The following SLC9C1 variants were observed in gnomAD, a reference collection of about 807,000 sequenced individuals.
The protein encoded by SLC9C1 is sodium/hydrogen exchanger 10.
SLC9C1 carries 97 observed loss-of-function variants against 140.9 expected under a neutral mutation model. That is an observed-to-expected ratio of 0.69 (90% confidence interval 0.58 to 0.82). The LOEUF is 0.82. Ranked by LOEUF, SLC9C1 falls within the 40% of genes least tolerant of loss-of-function variation. SLC9C1 has a pLI of 0.00. For missense variants in SLC9C1, 1,340 were observed against 1,389.3 expected, an observed-to-expected ratio of 0.96 and a Z score of 0.56; for synonymous variants, 440 against 442.6, an observed-to-expected ratio of 0.99 and a Z score of 0.07.
At chr3:112,250,950 A>G (rs1327729820) in intron 10 of SLC9C1, among the ~76,000 whole-genome samples, 1 of 152,186 alleles carries the variant, frequency 6.6e-6, no homozygotes, top group Non-Finnish European at 1.5e-5. Context: ...TATGTTCATC[A>G]CAGCACTATT....
intron 26 of SLC9C1, among the ~76,000 whole-genome samples, chr3:112,160,338 T>G (rs1400348907): frequency 6.6e-6 from 1 of 151,984 alleles, no homozygotes; most frequent in Non-Finnish European, 1.5e-5. Flanking sequence ...GTTACATATG[T>G]GTACATGTGC....
At position 112,293,828 on chromosome 3, in the gene SLC9C1, A is replaced by G. The variant is rs78289288; in HGVS notation, c.-88+265T>C. Among the ~76,000 whole-genome samples, 49 of 152,342 alleles carry G rather than the reference A, an allele frequency of 3.2e-4. No homozygotes were observed. The East Asian group carries it at 9.4e-3, about 29-fold the overall frequency. On this transcript the variant is annotated intron_variant, in intron 1 of 28. Coordinates refer to ENST00000305815, the MANE Select transcript of SLC9C1 (RefSeq NM_183061.3). ...GCAAAGGGAACACATGCCACTGGAT[A>G]GTTCACAAAGAGTTGATGTAAAAAG...
intron 26 of SLC9C1, among the ~76,000 whole-genome samples, chr3:112,156,536 AGCAGTGGGATT>A (rs1392169982): frequency 1.3e-5 from 2 of 152,256 alleles, no homozygotes; most frequent in Admixed American, 1.3e-4. Context: ...ATATATACCC[AGCAGTGGGATT>A]GCTAGATCAT....
At chr3:112,150,832 ATATATATATTTTTT>A (rs1560003602) in intron 28 of SLC9C1, among the ~76,000 whole-genome samples, 118 of 36,918 alleles carry the variant, frequency 3.2e-3, no homozygotes, top group African/African-American at 0.02. Flanking sequence ...ATATATATAT[ATATATATATTTTTT>A]TTTTTTTTTG....
intron 26 of SLC9C1, among the ~76,000 whole-genome samples, chr3:112,165,413 G>C (rs2077105637): frequency 6.6e-6 from 1 of 152,072 alleles, no homozygotes; most frequent in South Asian, 2.1e-4. Context: ...ATCTACCTTT[G>C]GTCTTTAATG....
chr3:112,244,721 A>G lies in SLC9C1; in HGVS notation c.1198-645T>C, dbSNP rs2079231852. Among the ~76,000 whole-genome samples the G allele has an allele frequency of 2.0e-5, 3 of 152,224 alleles. No homozygotes were observed. In the South Asian group the frequency reaches 6.2e-4, roughly 31 times the overall value. ...CTACACATTTTTGGGGATTTATGGA[A>G]TTCCAACTTCCAGAATTTATGTTTC... is the stretch of plus-strand genomic sequence containing the variant. On this transcript the variant is annotated intron_variant, in intron 10 of 28. Transcript: ENST00000305815.
intron 25 of SLC9C1, among the ~76,000 whole-genome samples, chr3:112,168,117 T>C (rs2077173949): frequency 6.6e-6 from 1 of 152,184 alleles, no homozygotes; most frequent in South Asian, 2.1e-4. Context: ...TCTTTACTTA[T>C]TTGTTTCTTT....
chr3:112,197,667 A>G (rs1159209400), intron 20 of SLC9C1, among the ~76,000 whole-genome samples: 2 of 152,158 alleles, frequency 1.3e-5, no homozygotes, highest in Non-Finnish European at 2.9e-5. Context: ...TGCCAGTGCA[A>G]TTGTTGTCTA....
chr3:112,262,324 T>C (rs4479562), intron 10 of SLC9C1, among the ~76,000 whole-genome samples: 89,701 of 151,568 alleles, frequency 0.59, 27,065 homozygotes, highest in East Asian at 0.79. Context: ...TTTAAGTAGA[T>C]ACATAATGAT....
intron 25 of SLC9C1, 41 bp downstream of exon 25, chr3:112,168,836 A>G: frequency 6.7e-7 from 1 of 1,488,072 alleles, no homozygotes; most frequent in South Asian, 1.3e-5. Flanking sequence ...TGTTGGACAT[A>G]TGGCATATTG....
At chr3:112,182,068 T>G in intron 21 of SLC9C1, 65 bp downstream of exon 21, 1 of 1,159,096 alleles carries the variant, frequency 8.6e-7, no homozygotes, top group African/African-American at 1.6e-5. Context: ...CATGGTTAAA[T>G]TCTTATTTTA....
In SLC9C1 at chr3:112,231,343, AAG is replaced by A; in HGVS notation, c.1572+16_1572+17del. ...AATTTTTGGCCAAACATAATTTCAA[AAG>A]AGAATAATACAGTACTATTTGTGCT... On this transcript the variant is annotated intron_variant, in intron 13 of 28. Coordinates refer to ENST00000305815, the MANE Select transcript of SLC9C1 (RefSeq NM_183061.3). 6.2e-7 allele frequency: 1 copy of A among 1,609,426 alleles called. No homozygotes were observed. The highest frequency in any genetic ancestry group is 8.5e-7 in the Non-Finnish European group (1 of 1,178,664).
rs565785960 is a variant in SLC9C1, at chr3:112,176,182, T to C, written c.2919+3349A>G. Reference sequence around the variant, plus strand: ...CCTCCTGACTGGAGGGTTGCAAAGATCCATGGGAGAAGCATGGGTTCCTGG... The same window carrying C: ...CCTCCTGACTGGAGGGTTGCAAAGACCCATGGGAGAAGCATGGGTTCCTGG... On this transcript the variant is annotated intron_variant, in intron 23 of 28. Coordinates refer to ENST00000305815, the MANE Select transcript of SLC9C1 (RefSeq NM_183061.3). 5.6e-4 allele frequency among the ~76,000 whole-genome samples: 86 copies of C among 152,244 alleles called. 1 individual carries two copies. The highest frequency in any genetic ancestry group is 1.9e-3 in the African/African-American group (78 of 41,554).
chr3:112,173,672 C>T (rs151165782), intron 23 of SLC9C1, among the ~76,000 whole-genome samples: 15,850 of 152,176 alleles, frequency 0.1, 879 homozygotes, highest in East Asian at 0.2. Context: ...TTTCTTTATC[C>T]AGTCTACTGT....
In SLC9C1 at chr3:112,167,354, G is replaced by A. The variant is rs763171216; in HGVS notation, c.3238-7C>T. 31 of 1,575,266 alleles carry A rather than the reference G, an allele frequency of 2.0e-5. No homozygotes were observed. Among genetic ancestry groups the A allele is most frequent in the Non-Finnish European group, 2.5e-5 (29 of 1,163,830 alleles). On this transcript the variant is annotated splice_region_variant and splice_polypyrimidine_tract_variant and intron_variant, in intron 25 of 28. Transcript: ENST00000305815. ...AATCTTCAATACTTTGTATCTGAAAGTTGACAGAATGCAAGTTAATTTCTG... is the reference window on the plus strand; with the variant it reads ...AATCTTCAATACTTTGTATCTGAAAATTGACAGAATGCAAGTTAATTTCTG...
chr3:112,203,985 AGTT>A (rs2108044422), intron 17 of SLC9C1, among the ~76,000 whole-genome samples: 1 of 152,102 alleles, frequency 6.6e-6, no homozygotes, highest in African/African-American at 2.4e-5. Flanking sequence ...TTAAAGGAAA[AGTT>A]GTGATGAGTA....
At position 112,277,712 on chromosome 3, in the gene SLC9C1, G is replaced by A. The variant is rs1423530120; in HGVS notation, c.467C>T (p.Ala156Val). ...ATACCTACCAAGGTCTCTTATAGCAGCTGCGGTTAGCATGGGATCTGAACT... is the reference window on the plus strand; with the variant it reads ...ATACCTACCAAGGTCTCTTATAGCAACTGCGGTTAGCATGGGATCTGAACT... ...LVSSDPMLTA[A>V]AIRDLGLSRS... Residue 156 changes from alanine (A) to valine (V), a missense_variant, in exon 5 of 29, where the codon GCT becomes GTT. By Grantham distance (64) the Ala-to-Val change is moderately conservative. Transcript: ENST00000305815. 4 of 1,593,942 alleles carry A rather than the reference G, an allele frequency of 2.5e-6. No individual in the cohort carries two copies.
chr3:112,271,383 A>G (rs2080068391), intron 6 of SLC9C1, among the ~76,000 whole-genome samples: 1 of 149,338 alleles, frequency 6.7e-6, no homozygotes, highest in Non-Finnish European at 1.5e-5. Flanking sequence ...TGATTTAATC[A>G]TTCTACATTG....
Position 112,244,004 on chromosome 3 carries a change from T to C in SLC9C1, c.1270A>G (p.Thr424Ala), listed in dbSNP as rs6768523. ...AACTGTTAGGGCTTACCTAGTATAG[T>C]AACTGCCACTGGCAAAATAAATCTA... is the stretch of plus-strand genomic sequence containing the variant. Reference protein sequence around the residue: ...VNRFILPVAVTILGLRDATST... With the variant: ...VNRFILPVAVAILGLRDATST... The change falls in exon 11 of 29, where the codon ACT becomes GCT. Residue 424 changes from threonine (T) to alanine (A), a missense_variant. Transcript: ENST00000305815. 446,109 of 1,594,618 alleles carry C rather than the reference T, an allele frequency of 0.28. 64,251 individuals carry two copies. The highest frequency in any genetic ancestry group is 0.37 in the Admixed American group (21,910 of 59,078).
Sources: allele counts gnomAD v4.1 joint callset (sites outside exome capture counted in the v4.1 genomes callset), GRCh38; gene constraint gnomAD v4.1.1; transcripts MANE v1.5; gene names NCBI Gene and HGNC (gene_info 2026-07-23, HGNC 2026-07-21).